EYS: variants seen among roughly 807,000 people sequenced by gnomAD.
EYS encodes EGF-like photoreceptor maintenance factor.
In EYS, 250 loss-of-function variants were observed where a neutral mutation model predicts 282.1. The observed-to-expected ratio is 0.89, with a 90% CI of 0.80 to 0.98. The LOEUF (loss-of-function observed/expected upper bound fraction) is 0.98. Ranked by LOEUF, EYS falls within the 50% of genes least tolerant of loss-of-function variation. The pLI, the probability that EYS is intolerant of heterozygous loss-of-function variation, is 0.00. For synonymous variants in EYS, 1,355 were observed against 1,282.9 expected (o/e 1.06, Z -1.20); for missense variants, 4,016 against 3,709.0 (o/e 1.08, Z -2.15).
chr6:64,982,360 C>T (rs1037238194), intron 14 of EYS, among the ~76,000 whole-genome samples: 1 of 151,348 alleles, frequency 6.6e-6, no homozygotes, highest in East Asian at 1.9e-4. Flanking sequence ...AATATGCCAA[C>T]ACTTTAGATT....
At chr6:65,382,704 T>G (rs1270922645) in intron 8 of EYS, among the ~76,000 whole-genome samples, 2 of 151,918 alleles carry the variant, frequency 1.3e-5, no homozygotes, top group African/African-American at 4.8e-5. Context: ...GAGTCCAATG[T>G]TCGAGAGCAG....
At chr6:63,745,885 T>C (rs1488671629) in intron 41 of EYS, among the ~76,000 whole-genome samples, 1 of 152,146 alleles carries the variant, frequency 6.6e-6, no homozygotes, top group Non-Finnish European at 1.5e-5. Context: ...AGAATTAGTA[T>C]CCTTATAAGA....
At chr6:64,880,330 T>A (rs1037470237) in intron 19 of EYS, among the ~76,000 whole-genome samples, 10 of 151,954 alleles carry the variant, frequency 6.6e-5, no homozygotes, top group African/African-American at 2.2e-4. Context: ...TTTATATAAT[T>A]GTATATACAT....
chr6:64,579,053 C>T (rs609000), intron 26 of EYS, among the ~76,000 whole-genome samples: 28 of 151,956 alleles, frequency 1.8e-4, no homozygotes, highest in Admixed American at 1.7e-3. Context: ...TAAAAAGTCT[C>T]TGGAGAAGCA....
intron 19 of EYS, 138 bp downstream of exon 19, chr6:64,886,559 A>G (rs1439600040): frequency 3.8e-6 from 2 of 529,726 alleles, no homozygotes; most frequent in Non-Finnish European, 6.2e-6. Flanking sequence ...TTTCTTTTAT[A>G]AGAGACAAAT....
chr6:63,797,935 G>C (rs1770686140), intron 37 of EYS: 1 of 152,144 alleles, frequency 6.6e-6, no homozygotes, highest in Non-Finnish European at 1.5e-5. Context: ...TATATCTCTT[G>C]AGCAAAAGGA....
intron 14 of EYS, among the ~76,000 whole-genome samples, chr6:64,984,344 A>G (rs1187951033): frequency 6.6e-6 from 1 of 151,474 alleles, no homozygotes; most frequent in Non-Finnish European, 1.5e-5. Flanking sequence ...TAAAAGACAT[A>G]TGATAATATT....
chr6:64,344,329 T>G (rs1277091045), intron 29 of EYS, among the ~76,000 whole-genome samples: 1 of 151,812 alleles, frequency 6.6e-6, no homozygotes, highest in Non-Finnish European at 1.5e-5. Context: ...GCAAACCGAA[T>G]CCAGCAGCAC....
At chr6:64,092,791 C>T (rs1163393940) in intron 31 of EYS, among the ~76,000 whole-genome samples, 1 of 151,428 alleles carries the variant, frequency 6.6e-6, no homozygotes, top group African/African-American at 2.5e-5. Context: ...GCTTTTGTTG[C>T]CATTGCTTCT....
intron 2 of EYS, among the ~76,000 whole-genome samples, chr6:65,544,947 A>T (rs73447292): frequency 0.12 from 18,246 of 152,144 alleles, 1,321 homozygotes; most frequent in African/African-American, 0.18. Context: ...TAATCACAAG[A>T]CAGATTACTA....
chr6:64,463,873 C>T (rs938143171), intron 26 of EYS, among the ~76,000 whole-genome samples: 4 of 152,102 alleles, frequency 2.6e-5, no homozygotes, highest in African/African-American at 9.7e-5. Flanking sequence ...TGAACTTATA[C>T]CAATTCTTAT....
intron 26 of EYS, among the ~76,000 whole-genome samples, chr6:64,536,435 G>T (rs1764520845): frequency 6.6e-6 from 1 of 152,102 alleles, no homozygotes; most frequent in Non-Finnish European, 1.5e-5. Context: ...ACAATTACAG[G>T]TACTCTCTAT....
chr6:64,395,873 C>T (rs1182949066), intron 28 of EYS, among the ~76,000 whole-genome samples: 1 of 152,130 alleles, frequency 6.6e-6, no homozygotes, highest in African/African-American at 2.4e-5. Flanking sequence ...CAATGCCATT[C>T]TGTTCCATGA....
At chr6:65,542,664 A>C (rs1394077161) in intron 2 of EYS, among the ~76,000 whole-genome samples, 2 of 152,172 alleles carry the variant, frequency 1.3e-5, no homozygotes, top group African/African-American at 2.4e-5. Flanking sequence ...ATTAGATTTT[A>C]AGTTATTTAA....
chr6:64,379,782 A>C (rs747543932), intron 29 of EYS: 3 of 152,190 alleles, frequency 2.0e-5, no homozygotes, highest in Non-Finnish European at 4.4e-5. Context: ...TGCAATTTAT[A>C]TGCTGAGGAA....
intron 26 of EYS, among the ~76,000 whole-genome samples, chr6:64,522,530 T>C (rs1284593290): frequency 1.3e-5 from 2 of 151,726 alleles, no homozygotes; most frequent in Non-Finnish European, 3.0e-5. Context: ...TGTATCTGTA[T>C]GGTCTTTTGT....
At chr6:65,604,841 CCT>C (rs1491293179) in intron 2 of EYS, among the ~76,000 whole-genome samples, 1 of 112,538 alleles carries the variant, frequency 8.9e-6, no homozygotes, top group Non-Finnish European at 1.7e-5. Context: ...TTCACTGCCC[CCT>C]TTTTTTTTTT....
chr6:63,775,058 G>T (rs1365968393), intron 40 of EYS, among the ~76,000 whole-genome samples: 1 of 151,822 alleles, frequency 6.6e-6, no homozygotes, highest in East Asian at 1.9e-4. Context: ...TTTCTTTGTT[G>T]CATCAGAACT....
chr6:64,930,514 C>T (rs1356584952), intron 15 of EYS, among the ~76,000 whole-genome samples: 1 of 138,530 alleles, frequency 7.2e-6, no homozygotes, highest in Non-Finnish European at 1.6e-5. Context: ...CACATTAAAA[C>T]TTTCATAGTT....
Sources: allele counts gnomAD v4.1 joint callset (sites outside exome capture counted in the v4.1 genomes callset), GRCh38; gene constraint gnomAD v4.1.1; transcripts MANE v1.5; gene names NCBI Gene and HGNC (gene_info 2026-07-23, HGNC 2026-07-21).